FARSB: variants seen among roughly 807,000 people sequenced by gnomAD.
FARSB encodes phenylalanyl-tRNA synthetase subunit beta.
FARSB carries 40 observed loss-of-function variants against 69.6 expected under a neutral mutation model. That is an observed-to-expected ratio of 0.57 (90% CI 0.45 to 0.75). FARSB has a LOEUF of 0.75. Among genes scored for constraint, FARSB ranks in the 30% least tolerant of loss-of-function variants. The pLI, the probability that FARSB is intolerant of heterozygous loss-of-function variation, is 0.00. For missense variants in FARSB, 632 were observed against 722.9 expected (o/e 0.87, Z 1.44); for synonymous variants, 235 against 247.2 (o/e 0.95, Z 0.46).
In FARSB at chr2:222,577,150, A is replaced by AT. The variant is rs1574907800; in HGVS notation, c.1619-5129dup. Among the ~76,000 whole-genome samples the AT allele has an allele frequency of 2.6e-5, 4 of 152,126 alleles. No individual in the cohort carries two copies. The East Asian group carries it at 7.7e-4, about 29-fold the overall frequency. The stretch of plus-strand genomic sequence containing the variant: ...TTATTGAGATATAAAACACACAAAC[A>AT]TTTTTTCAGATCCTAGTACACTCAG... On this transcript the variant is annotated intron_variant, in intron 16 of 16. Coordinates refer to ENST00000281828, the MANE Select transcript of FARSB (RefSeq NM_005687.5).
chr2:222,574,907 G>A (rs1386683026), intron 16 of FARSB, among the ~76,000 whole-genome samples: 1 of 152,170 alleles, frequency 6.6e-6, no homozygotes, highest in Non-Finnish European at 1.5e-5. Flanking sequence ...TGTGCCACTT[G>A]ACAGATATTA....
In FARSB at chr2:222,600,042, A is replaced by C; in HGVS notation, c.1504T>G (p.Tyr502Asp). Reference sequence around the variant, plus strand: ...ATCTCAAACCCAGGATTCTTGTTGTAATAAACAGCACAGAGATGTCTGTAG... The same window carrying C: ...ATCTCAAACCCAGGATTCTTGTTGTCATAAACAGCACAGAGATGTCTGTAG... The part of the protein sequence containing the change: ...KNYRHLCAVY[Y>D]NKNPGFEIIH... Residue 502 changes from tyrosine to aspartate, a missense_variant, in exon 16 of 17, where the codon TAC becomes GAC. By Grantham distance (160) the Tyr-to-Asp change is radical (BLOSUM62 -3). Transcript: ENST00000281828. The C allele has an allele frequency of 6.2e-7, 1 of 1,610,954 alleles. No homozygotes were observed.
chr2:222,591,211 TAA>T (rs71281780), intron 16 of FARSB, among the ~76,000 whole-genome samples: 22 of 138,918 alleles, frequency 1.6e-4, no homozygotes, highest in Admixed American at 2.9e-4. Context: ...CCCTGTCTCT[TAA>T]AAAAAAAAAA....
intron 16 of FARSB, among the ~76,000 whole-genome samples, chr2:222,577,064 A>T (rs1689857068): frequency 6.6e-6 from 1 of 152,206 alleles, no homozygotes; most frequent in Admixed American, 6.5e-5. Flanking sequence ...AATGTAGGTA[A>T]GACATTAGAG....
chr2:222,648,373 T>G (rs1691926354), intron 2 of FARSB, among the ~76,000 whole-genome samples: 1 of 152,140 alleles, frequency 6.6e-6, no homozygotes, highest in Admixed American at 6.5e-5. Flanking sequence ...GCGCTGGAAG[T>G]GAAGGAGGCA....
intron 2 of FARSB, among the ~76,000 whole-genome samples, chr2:222,648,098 C>T (rs986328984): frequency 3.3e-5 from 5 of 152,162 alleles, no homozygotes; most frequent in Admixed American, 3.3e-4. Flanking sequence ...CGAGGAAGGA[C>T]TCAGACCCCC....
At chr2:222,622,568 A>G (rs1691165746) in intron 13 of FARSB, among the ~76,000 whole-genome samples, 1 of 152,232 alleles carries the variant, frequency 6.6e-6, no homozygotes, top group Non-Finnish European at 1.5e-5. Context: ...ACTTCATTTT[A>G]TATGAAATCC....
chr2:222,591,927 G>C (rs1447414765), intron 16 of FARSB, among the ~76,000 whole-genome samples: 2 of 152,144 alleles, frequency 1.3e-5, no homozygotes, highest in South Asian at 2.1e-4. Flanking sequence ...TCAAAATAAA[G>C]GGTTATAGTG....
intron 15 of FARSB, among the ~76,000 whole-genome samples, chr2:222,611,067 C>T (rs1021078993): frequency 6.6e-6 from 1 of 152,116 alleles, no homozygotes; most frequent in African/African-American, 2.4e-5. Flanking sequence ...TCCAGGCCTA[C>T]CTAAACAGAA....
chr2:222,640,756 A>C (rs894489821), intron 4 of FARSB, 106 bp downstream of exon 4: 1 of 646,562 alleles, frequency 1.5e-6, no homozygotes, highest in Admixed American at 3.3e-5. Context: ...ACCCTGTCTC[A>C]AAACAAAAAA....
chr2:222,583,154 A>G (rs1438386471), intron 16 of FARSB, among the ~76,000 whole-genome samples: 2 of 152,290 alleles, frequency 1.3e-5, no homozygotes, highest in African/African-American at 4.8e-5. Flanking sequence ...GGACAATTTG[A>G]GCATCAAAAT....
rs761047072 is a variant in FARSB at position 222,642,897 on chromosome 2, G to A, written c.223C>T (p.Leu75=). 6.2e-6 allele frequency: 10 copies of A among 1,613,094 alleles called. No homozygotes were observed. The highest frequency in any genetic ancestry group is 8.5e-6 in the Non-Finnish European group (10 of 1,179,270). ...IDVPANRYDL[L]CLEGLVRGLQ... ...CCTCGAACCAATCCTTCCAGACACA[G>A]GAGATCATATCTATTGGCAGGGACG... Residue 75 remains leucine (L), a synonymous_variant, in exon 3 of 17, where the codon CTG becomes TTG. Coordinates refer to ENST00000281828, the MANE Select transcript of FARSB (RefSeq NM_005687.5).
At chr2:222,599,365 A>G (rs1023379112) in intron 16 of FARSB, among the ~76,000 whole-genome samples, 1 of 152,240 alleles carries the variant, frequency 6.6e-6, no homozygotes, top group African/African-American at 2.4e-5. Flanking sequence ...GCACATATAT[A>G]CCATTTAGTT....
chr2:222,651,534 C>T (rs990246953), intron 1 of FARSB, among the ~76,000 whole-genome samples: 3 of 152,154 alleles, frequency 2.0e-5, no homozygotes, highest in African/African-American at 7.2e-5. Flanking sequence ...ATCAAAGGCA[C>T]TAATCATTCC....
At chr2:222,584,855 C>T (rs183359527) in intron 16 of FARSB, among the ~76,000 whole-genome samples, 1 of 152,226 alleles carries the variant, frequency 6.6e-6, no homozygotes, top group Non-Finnish European at 1.5e-5. Context: ...GCTCAAACTG[C>T]GTGGAGCCCA....
intron 16 of FARSB, among the ~76,000 whole-genome samples, chr2:222,581,538 T>C (rs1288213925): frequency 1.3e-5 from 2 of 152,236 alleles, no homozygotes; most frequent in African/African-American, 4.8e-5. Flanking sequence ...TAAAGGTTTC[T>C]AGAATCTTGC....
intron 2 of FARSB, among the ~76,000 whole-genome samples, chr2:222,646,287 A>G (rs1349470917): frequency 3.3e-5 from 5 of 152,162 alleles, no homozygotes; most frequent in Non-Finnish European, 7.3e-5. Flanking sequence ...TGCCTGCCAC[A>G]ATTTTATCCC....
chr2:222,590,109 C>T (rs1372588629), intron 16 of FARSB, among the ~76,000 whole-genome samples: 7 of 152,100 alleles, frequency 4.6e-5, no homozygotes, highest in Non-Finnish European at 7.3e-5. Flanking sequence ...AGACTTGGAA[C>T]CAACCCAAAT....
At chr2:222,622,274 G>A (rs1691157417) in intron 13 of FARSB, among the ~76,000 whole-genome samples, 2 of 152,124 alleles carry the variant, frequency 1.3e-5, no homozygotes, top group African/African-American at 4.8e-5. Flanking sequence ...AATCAAACTG[G>A]CAATGGATAT....
Sources: gnomAD v4.1 joint callset for allele counts (sites outside exome capture counted in the v4.1 genomes callset) on GRCh38, gnomAD v4.1.1 for gene constraint, MANE v1.5 for transcripts, NCBI Gene and HGNC (gene_info 2026-07-23, HGNC 2026-07-21) for gene names.